Variants in TEP1 observed in about 807,000 individuals in gnomAD.
The protein encoded by TEP1 is telomerase protein component 1.
In TEP1, 241 loss-of-function variants were observed where a neutral mutation model predicts 306.3. The observed-to-expected ratio is 0.79, with a 90% CI of 0.71 to 0.88. TEP1 has a LOEUF of 0.88. TEP1 is among the 40% of genes least tolerant of loss of function. The pLI is 0.00. For missense variants in TEP1, 3,051 were observed against 3,276.1 expected, an observed-to-expected ratio of 0.93 and a Z score of 1.68; for synonymous variants, 1,289 against 1,305.5, an observed-to-expected ratio of 0.99 and a Z score of 0.27.
rs1879338954 is a variant in TEP1 at position 20,408,108 on chromosome 14, C to T, written c.332G>A (p.Cys111Tyr). The T allele has an allele frequency of 1.2e-6, 2 of 1,613,540 alleles. No individual in the cohort carries two copies. The highest frequency in any genetic ancestry group is 3.3e-5 in the Admixed American group (2 of 59,962). ...CTTTAGACTAGAGAGGGTGGCCAGGCACCGGTTCTCCAAGGAGAGGATGTC... is the reference window on the plus strand; with the variant it reads ...CTTTAGACTAGAGAGGGTGGCCAGGTACCGGTTCTCCAAGGAGAGGATGTC... ...HPDILSLENRCLATLSSLKST... is the reference protein window; with the variant it reads ...HPDILSLENRYLATLSSLKST... Residue 111 changes from cysteine (C) to tyrosine (Y), a missense_variant, in exon 2 of 55, where the codon TGC becomes TAC. By Grantham distance (194) the Cys-to-Tyr change is radical. This residue lies in a region of TEP1 where 1,507 missense variants were observed against 1,550.5 expected (regional missense o/e 0.97). Transcript: ENST00000262715.
chr14:20,385,079 T>C lies in TEP1; in HGVS notation c.3013A>G (p.Thr1005Ala). 6.2e-7 allele frequency: 1 copy of C among 1,614,050 alleles called. No individual in the cohort carries two copies. The highest frequency in any genetic ancestry group is 8.5e-7 in the Non-Finnish European group (1 of 1,179,992). Residue 1005 changes from threonine (T) to alanine (A), a missense_variant, in exon 21 of 55, where the codon ACA becomes GCA. Transcript: ENST00000262715. Reference protein sequence around the residue: ...AQQYPSGRSVTEMEVMQFLNR... With the variant: ...AQQYPSGRSVAEMEVMQFLNR... The stretch of plus-strand genomic sequence containing the variant: ...AGGAACTGCATCACCTCCATCTCTG[T>C]CACAGAGCGCCCTGAAGGGTACTGC...
At chr14:20,401,711 A>G in intron 7 of TEP1, 130 bp from the exon 8 acceptor site, 1 of 1,358,954 alleles carries the variant, frequency 7.4e-7, no homozygotes, top group African/African-American at 1.5e-5. Context: ...AGATTTGGCC[A>G]AGGAGCAGGA....
At position 20,386,619 on chromosome 14, in the gene TEP1, G is replaced by A. The variant is rs751495777; in HGVS notation, c.2689C>T (p.Arg897Cys). The change falls in exon 19 of 55, where the codon CGC becomes TGC. Residue 897 changes from arginine to cysteine, a missense_variant. Physicochemically the swap from Arg to Cys is radical, Grantham distance 180 (BLOSUM62 -3). Coordinates refer to ENST00000262715, the MANE Select transcript of TEP1 (RefSeq NM_007110.5). ...GATGAAATGAAAAGCCGGATGCTGC[G>A]CCATCTGGGGATAAGCAGAGAGCTG... ...PLAPVSQQGWRSIRLFISSTF... is the reference protein window; with the variant it reads ...PLAPVSQQGWCSIRLFISSTF... 37 of 1,596,048 alleles carry A rather than the reference G, an allele frequency of 2.3e-5. No individual in the cohort carries two copies. Among genetic ancestry groups the A allele is most frequent in the Admixed American group, 2.0e-4 (12 of 59,066 alleles).
chr14:20,408,375 A>G lies in TEP1; in HGVS notation c.65T>C (p.Leu22Pro). 1.2e-6 allele frequency: 2 copies of G among 1,614,190 alleles called. No homozygotes were observed. The highest frequency in any genetic ancestry group is 2.2e-5 in the South Asian group (2 of 91,082). The change falls in exon 2 of 55, where the codon CTG (leucine) becomes CCG (proline). Residue 22 changes from leucine (L) to proline (P), a missense_variant. Leu to Pro is a moderately conservative substitution (Grantham distance 98). Transcript: ENST00000262715. Reference protein sequence around the residue: ...PDILSLENRCLAMLPDLQPLE... With the variant: ...PDILSLENRCPAMLPDLQPLE... ...GGGCTGTAAGTCAGGGAGCATAGCC[A>G]GGCACCGGTTCTCCAAGGAGAGGAT... is the stretch of plus-strand genomic sequence containing the variant.
rs7144446 is a variant in TEP1, at chr14:20,412,535, G to A, written c.-25+870C>T. 2.7e-3 allele frequency among the ~76,000 whole-genome samples: 415 copies of A among 152,178 alleles called. 3 individuals are homozygous for A. The highest frequency in any genetic ancestry group is 9.3e-3 in the African/African-American group (384 of 41,510). ...ATACTAACAGTTTCACAGTTTCTAT[G>A]CATATGCAAATACATGCCTTCACCA... On this transcript the variant is annotated intron_variant, in intron 1 of 54. Transcript: ENST00000262715.
rs766680443 is a variant in TEP1 at position 20,395,520 on chromosome 14, G to A, written c.1858C>T (p.Arg620Trp). 10 of 1,613,876 alleles carry A rather than the reference G, an allele frequency of 6.2e-6. No individual in the cohort carries two copies. The highest frequency in any genetic ancestry group is 2.2e-5 in the South Asian group (2 of 91,076). Residue 620 changes from arginine to tryptophan, a missense_variant, in exon 12 of 55, where the codon CGG (arginine) becomes TGG (tryptophan). Around this residue, in one of 3 missense-constraint regions of TEP1, gnomAD observed 1,507 missense variants for 1,550.5 expected, o/e 0.97. Transcript: ENST00000262715. ...FLCHLSRQQLRMAMRIPVLYE... is the reference protein window; with the variant it reads ...FLCHLSRQQLWMAMRIPVLYE... ...AACACAGGTATCCTCATTGCCATCC[G>A]AAGCTGCTGACGGCTTAGGTGGCAA...
Position 20,382,592 on chromosome 14 carries a change from G to C in TEP1, c.4140+31C>G, listed in dbSNP as rs189841330. 9.9e-6 allele frequency: 16 copies of C among 1,610,598 alleles called. No individual in the cohort carries two copies. In the African/African-American group the frequency reaches 2.0e-4, roughly 20 times the overall value. On this transcript the variant is annotated intron_variant, in intron 28 of 54. Coordinates refer to ENST00000262715, the MANE Select transcript of TEP1 (RefSeq NM_007110.5). Reference sequence around the variant, plus strand: ...AGCTGAAGAGAGAATGGGAAGTAGTGATTAGGACTTGGAAGGTGATGAGAA... The same window carrying C: ...AGCTGAAGAGAGAATGGGAAGTAGTCATTAGGACTTGGAAGGTGATGAGAA...
Position 20,378,174 on chromosome 14 carries a change from C to A in TEP1, c.5571G>T (p.Val1857=), listed in dbSNP as rs945483150. The A allele has an allele frequency of 6.2e-7, 1 of 1,613,974 alleles. No homozygotes were observed. Among genetic ancestry groups the A allele is most frequent in the Admixed American group, 1.7e-5 (1 of 60,034 alleles). ...CCATACTGTCCAGCCGGCCCACAGCCACAACCCCCCCAGGCACATTGAAGG... is the reference window on the plus strand; with the variant it reads ...CCATACTGTCCAGCCGGCCCACAGCAACAACCCCCCCAGGCACATTGAAGG... ...TLAFNVPGGV[V]AVGRLDSMVE... is the part of the protein sequence containing the mutation. Residue 1857 remains valine (V), a synonymous_variant, in exon 39 of 55, where the codon GTG becomes GTT. Coordinates refer to ENST00000262715, the MANE Select transcript of TEP1 (RefSeq NM_007110.5).
intron 54 of TEP1, 113 bp from the exon 55 acceptor site, chr14:20,368,672 GA>G: frequency 1.3e-6 from 2 of 1,543,590 alleles, no homozygotes; most frequent in Non-Finnish European, 1.8e-6. Flanking sequence ...CATTGCAAGT[GA>G]TTGAAGAAAA....
At chr14:20,387,551 C>CAAAAAAAAAAAAAAAAAAAAA (rs34816712) in intron 18 of TEP1, among the ~76,000 whole-genome samples, 10 of 127,680 alleles carry the variant, frequency 7.8e-5, no homozygotes, top group South Asian at 2.8e-4. Flanking sequence ...GACTCCGTCT[C>CAAAAAAAAAAAAAAAAAAAAA]AAAAAAAAAA....
rs954199753 is a variant in TEP1, at chr14:20,366,552, G to A, written c.*1885C>T. On this transcript the variant is annotated 3_prime_UTR_variant, in exon 55 of 55. Coordinates refer to ENST00000262715, the MANE Select transcript of TEP1 (RefSeq NM_007110.5). ...GAAGACAGAAGCATGGCCTATCAGC[G>A]GATGTCATCATCCTCTGGTCAGGAT... is the stretch of plus-strand genomic sequence containing the variant. The A allele has an allele frequency of 4.6e-5, 7 of 152,236 alleles. No individual in the cohort carries two copies. The highest frequency in any genetic ancestry group is 6.5e-5 in the Admixed American group (1 of 15,292). The allele number at this position is 152,236 out of a possible 1,614,324, so 9.4% of individuals were successfully genotyped here. A position where few individuals can be genotyped will look rare whatever the true frequency, so the allele number is the denominator to read the frequency against.
At chr14:20,403,650 C>A in intron 6 of TEP1, 73 bp downstream of exon 6, 1 of 1,604,998 alleles carries the variant, frequency 6.2e-7, no homozygotes, top group Non-Finnish European at 8.5e-7. Context: ...GACTCCCCAG[C>A]ATCAGCATGC....
chr14:20,400,137 C>CAAA (rs58121179), intron 9 of TEP1, among the ~76,000 whole-genome samples: 57 of 80,444 alleles, frequency 7.1e-4, no homozygotes, highest in Non-Finnish European at 1.0e-3. Flanking sequence ...AACTCCGTCT[C>CAAA]AAAAAAAAAA....
Position 20,378,525 on chromosome 14 carries a change from G to A in TEP1, c.5363C>T (p.Thr1788Ile). The change falls in exon 38 of 55, where the codon ACA becomes ATA. Residue 1788 changes from threonine (T) to isoleucine (I), a missense_variant. By Grantham distance (89) the Thr-to-Ile change is moderately conservative. This residue lies in a region of TEP1 where 1,540 missense variants were observed against 1,705.9 expected (regional missense o/e 0.90). Coordinates refer to ENST00000262715, the MANE Select transcript of TEP1 (RefSeq NM_007110.5). ...CLGGCLKLWD[T>I]VRGQLAFQHT... is the part of the protein sequence containing the mutation. ...CTGGAAGGCCAGCTGCCCACGGACT[G>A]TGTCCCACAGCTGAGGGAGAGAGAG... 6.2e-7 allele frequency: 1 copy of A among 1,614,234 alleles called. No homozygotes were observed. The highest frequency in any genetic ancestry group is 1.1e-5 in the South Asian group (1 of 91,088).
Position 20,381,752 on chromosome 14 carries a change from A to C in TEP1, c.4425-66T>G. 1 of 1,538,706 alleles carries C rather than the reference A, an allele frequency of 6.5e-7. No homozygotes were observed. Among genetic ancestry groups the C allele is most frequent in the Non-Finnish European group, 8.7e-7 (1 of 1,146,614 alleles). ...CCTGTCAGTGAGCTTCCTGGCACAC[A>C]GTGGGCTCCTATTCCCCCCTCAAAT... On this transcript the variant is annotated intron_variant, in intron 30 of 54. Coordinates refer to ENST00000262715, the MANE Select transcript of TEP1 (RefSeq NM_007110.5). This position sits in a 1 kb window ranked among gnomAD's most constrained non-coding sequence, Gnocchi z 4.0.
At position 20,378,123 on chromosome 14, in the gene TEP1, C is replaced by T; in HGVS notation, c.5622G>A (p.Gly1874=). 1 of 1,613,928 alleles carries T rather than the reference C, an allele frequency of 6.2e-7. No individual in the cohort carries two copies. Residue 1874 remains glycine (G), a synonymous_variant, in exon 39 of 55, where the codon GGG becomes GGA. Transcript: ENST00000262715. ...SMVELWAWRE[G]ARLAAFPAHH... ...GGGCAGGGAAGGCAGCCAGCCGTGC[C>T]CCTTCTCGCCAGGCCCACAGCTCCA... is the stretch of plus-strand genomic sequence containing the variant.
At position 20,382,636 on chromosome 14, in the gene TEP1, G is replaced by C. The variant is rs771410997; in HGVS notation, c.4127C>G (p.Thr1376Arg). Residue 1376 changes from threonine to arginine, a missense_variant, in exon 28 of 55, where the codon ACG becomes AGG. Thr to Arg is a moderately conservative substitution (Grantham distance 71). Coordinates refer to ENST00000262715, the MANE Select transcript of TEP1 (RefSeq NM_007110.5). Reference protein sequence around the residue: ...RLVTDHLRLFTLYEQVSERLR... With the variant: ...RLVTDHLRLFRLYEQVSERLR... The stretch of plus-strand genomic sequence containing the variant: ...ATGAGAACTGACCTGCTCATACAGC[G>C]TGAAGAGCCTCAGGTGATCGGTGAC... 3.1e-6 allele frequency: 5 copies of C among 1,614,066 alleles called. No individual in the cohort carries two copies. In the East Asian group the frequency reaches 1.1e-4, roughly 36 times the overall value.
chr14:20,375,750 C>A lies in TEP1; in HGVS notation c.6363+5G>T. The A allele has an allele frequency of 6.2e-7, 1 of 1,608,366 alleles. No individual in the cohort carries two copies. The highest frequency in any genetic ancestry group is 1.1e-5 in the South Asian group (1 of 90,928). ...GCTCTGTGCCACCCCTGGCCCTTTACTCACCAGTAGGTTATCTTTGGTCCA... is the reference window on the plus strand; with the variant it reads ...GCTCTGTGCCACCCCTGGCCCTTTAATCACCAGTAGGTTATCTTTGGTCCA... On this transcript the variant is annotated splice_donor_5th_base_variant and intron_variant, in intron 43 of 54. Coordinates refer to ENST00000262715, the MANE Select transcript of TEP1 (RefSeq NM_007110.5).
rs1160002419 is a variant in TEP1, at chr14:20,369,799, T to C, written c.7318-20A>G. The C allele has an allele frequency of 1.9e-6, 3 of 1,603,196 alleles. No individual in the cohort carries two copies. In the Admixed American group the frequency reaches 5.0e-5, roughly 27 times the overall value. On this transcript the variant is annotated intron_variant, in intron 51 of 54. Transcript: ENST00000262715. Reference sequence around the variant, plus strand: ...TTGCCTCTGTGAAAGAATAGGTAATTTTGTTTAGCCTACCCATATGAGTCA... The same window carrying C: ...TTGCCTCTGTGAAAGAATAGGTAATCTTGTTTAGCCTACCCATATGAGTCA...
Sources: allele counts gnomAD v4.1 joint callset (sites outside exome capture counted in the v4.1 genomes callset), GRCh38; gene constraint gnomAD v4.1.1; regional missense constraint gnomAD v4.1.1; non-coding constraint Gnocchi (gnomAD v3.1); transcripts MANE v1.5; gene names NCBI Gene and HGNC (gene_info 2026-07-23, HGNC 2026-07-21).